The following PTPRD variants were observed in gnomAD, a reference collection of about 807,000 sequenced individuals.
PTPRD encodes receptor-type tyrosine-protein phosphatase delta.
A neutral mutation model predicts 214.5 loss-of-function variants in PTPRD; 34 were observed. That is an observed-to-expected ratio of 0.16 (90% confidence interval 0.12 to 0.21). PTPRD has a LOEUF of 0.21. PTPRD is among the 10% of genes least tolerant of loss of function. The pLI is 1.00. For missense variants in PTPRD, 2,545 were observed against 2,398.7 expected (o/e 1.06, Z -1.27); for synonymous variants, 1,128 against 845.7 (o/e 1.33, Z -5.79).
intron 5 of PTPRD, among the ~76,000 whole-genome samples, chr9:9,828,104 C>T (rs1019545853): frequency 1.2e-4 from 19 of 152,120 alleles, no homozygotes; most frequent in African/African-American, 4.6e-4. Context: ...GGCGATTCCT[C>T]AGGGATCTAG....
At chr9:8,350,865 T>G (rs576610026) in intron 39 of PTPRD, among the ~76,000 whole-genome samples, 1 of 152,170 alleles carries the variant, frequency 6.6e-6, no homozygotes, top group Non-Finnish European at 1.5e-5. Context: ...ATCCCTATAC[T>G]AATTAATATA....
At chr9:8,380,508 A>C (rs918889866) in intron 37 of PTPRD, among the ~76,000 whole-genome samples, 2 of 152,124 alleles carry the variant, frequency 1.3e-5, no homozygotes, top group Non-Finnish European at 2.9e-5. Context: ...TGCGGGAGGC[A>C]TTTCTTTTCA....
intron 35 of PTPRD, among the ~76,000 whole-genome samples, chr9:8,430,496 CA>C (rs1158631068): frequency 6.6e-6 from 1 of 151,180 alleles, no homozygotes; most frequent in East Asian, 2.0e-4. Context: ...AGGCTGGTCT[CA>C]AACTCCTGGA....
intron 9 of PTPRD, among the ~76,000 whole-genome samples, chr9:9,287,949 C>A (rs911388047): frequency 6.6e-6 from 1 of 151,524 alleles, no homozygotes; most frequent in African/African-American, 2.4e-5. Context: ...TTAATTTTCC[C>A]CATCTGCTTT....
At chr9:10,055,364 T>A (rs1184266962) in intron 3 of PTPRD, among the ~76,000 whole-genome samples, 1 of 152,124 alleles carries the variant, frequency 6.6e-6, no homozygotes, top group East Asian at 1.9e-4. Flanking sequence ...CATTGAATAC[T>A]TACGAATAGG....
intron 9 of PTPRD, among the ~76,000 whole-genome samples, chr9:9,287,737 G>A: frequency 6.6e-6 from 1 of 151,898 alleles, no homozygotes; most frequent in East Asian, 2.0e-4. Flanking sequence ...TAGGAGCACA[G>A]AAGATATTTC....
At chr9:10,033,984 G>A (rs1345080837) in intron 3 of PTPRD, among the ~76,000 whole-genome samples, 194 bp from the exon 4 acceptor site, 1 of 152,026 alleles carries the variant, frequency 6.6e-6, no homozygotes, top group Non-Finnish European at 1.5e-5. Context: ...GTAAAGTATT[G>A]TAGCCTATAA....
chr9:8,818,968 T>A (rs7851333), intron 11 of PTPRD, among the ~76,000 whole-genome samples: 106,075 of 152,050 alleles, frequency 0.7, 37,307 homozygotes, highest in Middle Eastern at 0.79. Context: ...GACATAGCAC[T>A]CTAGTCCACT....
At chr9:9,181,202 A>T (rs2099928004) in intron 10 of PTPRD, among the ~76,000 whole-genome samples, 1 of 151,860 alleles carries the variant, frequency 6.6e-6, no homozygotes, top group African/African-American at 2.4e-5. Context: ...TCAACAAATG[A>T]TTTCAATAAT....
rs540348319 is a variant in PTPRD, at chr9:8,719,416, G to C, written c.64+14364C>G. 1.3e-5 allele frequency among the ~76,000 whole-genome samples: 2 copies of C among 152,192 alleles called. 1 individual carries two copies. Among genetic ancestry groups the C allele is most frequent in the South Asian group, 4.1e-4 (2 of 4,832 alleles). On this transcript the variant is annotated intron_variant, in intron 12 of 45. Coordinates refer to ENST00000381196, the MANE Select transcript of PTPRD (RefSeq NM_002839.4). ...CAATAAACATTACTAACAAAGCAAA[G>C]TGATAAAGGAGGCTAATCAAACTAA...
intron 2 of PTPRD, among the ~76,000 whole-genome samples, chr9:10,387,401 G>A (rs1045341105): frequency 1.3e-5 from 2 of 151,830 alleles, no homozygotes; most frequent in African/African-American, 4.8e-5. Context: ...CTTTACTGGG[G>A]AAATGTGTAA....
At chr9:9,928,900 T>C (rs1383314252) in intron 5 of PTPRD, among the ~76,000 whole-genome samples, 2 of 152,254 alleles carry the variant, frequency 1.3e-5, no homozygotes, top group South Asian at 4.1e-4. Context: ...TTCACACTTA[T>C]AAAGTACTTA....
In PTPRD at chr9:8,465,576, C is replaced by T. The variant is rs780829320; in HGVS notation, c.3604G>A (p.Glu1202Lys). 1.6e-5 allele frequency: 26 copies of T among 1,612,450 alleles called. No individual in the cohort carries two copies. In the Admixed American group the frequency reaches 1.7e-4, roughly 10 times the overall value. ...TGCTTGTCATCCCCCAGGGTGAACTCAGTGGGAAGGACATCAAAGTGAGCG... is the reference window on the plus strand; with the variant it reads ...TGCTTGTCATCCCCCAGGGTGAACTTAGTGGGAAGGACATCAAAGTGAGCG... Reference protein sequence around the residue: ...IAAHFDVLPTEFTLGDDKHYG... With the variant: ...IAAHFDVLPTKFTLGDDKHYG... Residue 1202 changes from glutamate to lysine, a missense_variant, in exon 32 of 46, where the codon GAG becomes AAG. Physicochemically the swap from Glu to Lys is moderately conservative, Grantham distance 56 (BLOSUM62 1). Coordinates refer to ENST00000381196, the MANE Select transcript of PTPRD (RefSeq NM_002839.4).
At chr9:10,575,168 G>T (rs1283608567) in intron 2 of PTPRD, among the ~76,000 whole-genome samples, 1 of 151,770 alleles carries the variant, frequency 6.6e-6, no homozygotes, top group African/African-American at 2.4e-5. Context: ...TGACACTGTA[G>T]ACATCAACAA....
At chr9:9,719,721 TC>T (rs2097901889) in intron 7 of PTPRD, among the ~76,000 whole-genome samples, 1 of 152,310 alleles carries the variant, frequency 6.6e-6, no homozygotes, top group Admixed American at 6.5e-5. Context: ...ACCTCAGGGC[TC>T]CCCATGTCAG....
intron 8 of PTPRD, among the ~76,000 whole-genome samples, chr9:9,486,439 T>G (rs1441093547): frequency 6.6e-6 from 1 of 152,150 alleles, no homozygotes; most frequent in Non-Finnish European, 1.5e-5. Context: ...TTTCCAGCAT[T>G]ATTTGATGCT....
chr9:8,496,840 T>C (rs2097285821), intron 26 of PTPRD, among the ~76,000 whole-genome samples: 1 of 152,232 alleles, frequency 6.6e-6, no homozygotes, highest in African/African-American at 2.4e-5. Context: ...ATGAGATTTT[T>C]TTCTGTTTTA....
chr9:8,513,175 T>C (rs530291249), intron 21 of PTPRD, among the ~76,000 whole-genome samples: 11 of 152,162 alleles, frequency 7.2e-5, no homozygotes, highest in African/African-American at 2.4e-4. Context: ...AAAATAATCA[T>C]CTCAATGAAA....
chr9:10,092,520 C>T (rs1299757457), intron 3 of PTPRD, among the ~76,000 whole-genome samples: 4 of 151,308 alleles, frequency 2.6e-5, no homozygotes, highest in Non-Finnish European at 4.4e-5. Context: ...ATGTGTCCTA[C>T]AAAAACTGCA....
Sources: allele counts gnomAD v4.1 joint callset (sites outside exome capture counted in the v4.1 genomes callset), GRCh38; gene constraint gnomAD v4.1.1; transcripts MANE v1.5; gene names NCBI Gene and HGNC (gene_info 2026-07-23, HGNC 2026-07-21).